Variants in TIAM2 observed in about 807,000 individuals in gnomAD.
The protein encoded by TIAM2 is TIAM Rac1 associated GEF 2, also known as rho guanine nucleotide exchange factor TIAM2.
Under a neutral mutation model 152.9 loss-of-function variants are expected in TIAM2, and 80 were observed. That is an observed-to-expected ratio of 0.52 (90% CI 0.44 to 0.63). The LOEUF (loss-of-function observed/expected upper bound fraction) is 0.63, where lower values mean the gene tolerates loss of function less well. Ranked by LOEUF, TIAM2 falls within the 30% of genes least tolerant of loss-of-function variation. The pLI is 0.00. For missense variants in TIAM2, 1,965 were observed against 2,120.1 expected, an observed-to-expected ratio of 0.93 and a Z score of 1.44; for synonymous variants, 804 against 838.0, an observed-to-expected ratio of 0.96 and a Z score of 0.70.
At chr6:155,006,220 G>A (rs1359247212) in intron 1 of TIAM2, among the ~76,000 whole-genome samples, 1 of 152,154 alleles carries the variant, frequency 6.6e-6, no homozygotes, top group African/African-American at 2.4e-5. Flanking sequence ...CTGACGTTGA[G>A]GTCAGTGGGG....
Position 155,257,272 on chromosome 6 carries a change from A to AGTT in TIAM2, c.*152_*154dup. The AGTT allele has an allele frequency of 1.1e-6, 1 of 883,238 alleles. No homozygotes were observed. Among genetic ancestry groups the AGTT allele is most frequent in the East Asian group, 2.7e-5 (1 of 37,378 alleles). The allele number at this position is 883,238 out of a possible 1,614,324, so 54.7% of individuals were successfully genotyped here. A position where few individuals can be genotyped will look rare whatever the true frequency, so the allele number is the denominator to read the frequency against. Reference sequence around the variant, plus strand: ...CCCACAAAATGGTTGTAAAGATTTAAGTTATTTTAATTTATTGTGGATCAG... The same window carrying AGTT: ...CCCACAAAATGGTTGTAAAGATTTAAGTTGTTATTTTAATTTATTGTGGATCAG... On this transcript the variant is annotated 3_prime_UTR_variant, in exon 27 of 27. Transcript: ENST00000682666.
intron 15 of TIAM2, 124 bp from the exon 16 acceptor site, chr6:155,240,406 C>T: frequency 9.8e-7 from 1 of 1,016,784 alleles, no homozygotes; most frequent in Non-Finnish European, 1.4e-6. Flanking sequence ...AACCCTTTGC[C>T]CTACACAGAG....
chr6:155,196,445 G>A (rs928444282), intron 14 of TIAM2, among the ~76,000 whole-genome samples: 1 of 152,068 alleles, frequency 6.6e-6, no homozygotes, highest in African/African-American at 2.4e-5. Context: ...AGAGAAAGGG[G>A]GGAAATTTTA....
At position 155,128,476 on chromosome 6, in the gene TIAM2, T is replaced by C. The variant is rs1241542074; in HGVS notation, c.-6-742T>C. 1.5e-4 allele frequency among the ~76,000 whole-genome samples: 23 copies of C among 152,146 alleles called. 1 individual carries two copies. The highest frequency in any genetic ancestry group is 1.4e-3 in the Admixed American group (22 of 15,270). ...AGATTTTAGCTCTACCAGTAGTTTA[T>C]GTATAATGAAAATGTATCTCTCTGA... On this transcript the variant is annotated intron_variant, in intron 3 of 26. Transcript: ENST00000682666.
At chr6:155,182,194 G>A in intron 12 of TIAM2, 32 bp from the exon 13 acceptor site, 1 of 1,592,046 alleles carries the variant, frequency 6.3e-7, no homozygotes, top group Non-Finnish European at 8.6e-7. Flanking sequence ...GGTGGGCTGA[G>A]ACTTGCTTTT....
intron 2 of TIAM2, among the ~76,000 whole-genome samples, chr6:155,109,441 A>C (rs1358045374): frequency 6.6e-6 from 1 of 152,226 alleles, no homozygotes; most frequent in African/African-American, 2.4e-5. Flanking sequence ...AAAAAGATAA[A>C]GGTATGGAAT....
rs902066245 is a variant in TIAM2 at position 155,213,616 on chromosome 6, C to T, written c.3168+2309C>T. Reference sequence around the variant, plus strand: ...CCCAGCCCCCAGACTTCAGGCCTTCCCCGGCTTGAAAGTGGGGCTTTTCTG... The same window carrying T: ...CCCAGCCCCCAGACTTCAGGCCTTCTCCGGCTTGAAAGTGGGGCTTTTCTG... On this transcript the variant is annotated intron_variant, in intron 15 of 26. Coordinates refer to ENST00000682666, the MANE Select transcript of TIAM2 (RefSeq NM_012454.4). The surrounding 1 kb of genome is among the most constrained non-coding windows in gnomAD (Gnocchi z 4.2). 2.6e-4 allele frequency among the ~76,000 whole-genome samples: 40 copies of T among 152,202 alleles called. No individual in the cohort carries two copies. The highest frequency in any genetic ancestry group is 8.7e-4 in the African/African-American group (36 of 41,450).
rs750146577 is a variant in TIAM2 at position 155,182,206 on chromosome 6, C to T, written c.2708-20C>T. On this transcript the variant is annotated intron_variant, in intron 12 of 26. Transcript: ENST00000682666. ...TGTGGTGGGCTGAGACTTGCTTTTT[C>T]CTTTTGTTTTCATTCCTAGGGTTTG... is the stretch of plus-strand genomic sequence containing the variant. 3 of 1,609,736 alleles carry T rather than the reference C, an allele frequency of 1.9e-6. No individual in the cohort carries two copies. Among genetic ancestry groups the T allele is most frequent in the Non-Finnish European group, 1.7e-6 (2 of 1,176,566 alleles).
chr6:155,154,267 G>A (rs1780051254), intron 7 of TIAM2, among the ~76,000 whole-genome samples: 1 of 152,188 alleles, frequency 6.6e-6, no homozygotes, highest in South Asian at 2.1e-4. Context: ...CCTAAAAATA[G>A]AATGTGCAAT....
intron 1 of TIAM2, among the ~76,000 whole-genome samples, chr6:155,054,032 G>C (rs1355067003): frequency 6.6e-6 from 1 of 152,128 alleles, no homozygotes; most frequent in Admixed American, 6.6e-5. Flanking sequence ...ATCTAGCCAG[G>C]CATGGTGGCA....
rs565645289 is a variant in TIAM2, at chr6:155,079,586, C to T, written c.-208-10703C>T. Among the ~76,000 whole-genome samples the T allele has an allele frequency of 2.0e-5, 3 of 152,280 alleles. No homozygotes were observed. The East Asian group carries it at 5.8e-4, about 29-fold the overall frequency. On this transcript the variant is annotated intron_variant, in intron 1 of 26. Coordinates refer to ENST00000682666, the MANE Select transcript of TIAM2 (RefSeq NM_012454.4). ...GCTATAGTCAGTACAGCTGGGGGTT[C>T]AGATGTTCATCTTGTGAAACTTGGA... is the stretch of plus-strand genomic sequence containing the variant.
At position 155,213,151 on chromosome 6, in the gene TIAM2, T is replaced by C. The variant is rs1781763142; in HGVS notation, c.3168+1844T>C. ...GCGTGTTTTGGCCCTGTTTGTGTTGTAGCTCTTTCAGCCCTGCCGTTAGGC... is the reference window on the plus strand; with the variant it reads ...GCGTGTTTTGGCCCTGTTTGTGTTGCAGCTCTTTCAGCCCTGCCGTTAGGC... On this transcript the variant is annotated intron_variant, in intron 15 of 26. Transcript: ENST00000682666. This position sits in a 1 kb window ranked among gnomAD's most constrained non-coding sequence, Gnocchi z 4.2. Among the ~76,000 whole-genome samples, 1 of 152,192 alleles carries C rather than the reference T, an allele frequency of 6.6e-6. No homozygotes were observed. The highest frequency in any genetic ancestry group is 2.4e-5 in the African/African-American group (1 of 41,452).
At chr6:155,254,731 A>T in intron 26 of TIAM2, 158 bp downstream of exon 26, 1 of 929,470 alleles carries the variant, frequency 1.1e-6, no homozygotes, top group Non-Finnish European at 1.6e-6. Flanking sequence ...TTGCTCCCAG[A>T]CGTTCTACTG....
intron 2 of TIAM2, among the ~76,000 whole-genome samples, chr6:155,114,033 T>TC (rs1778933924): frequency 1.9e-5 from 1 of 52,040 alleles, no homozygotes; most frequent in South Asian, 7.0e-4. Context: ...TATATATATA[T>TC]ATATTTTTTT....
At position 155,129,762 on chromosome 6, in the gene TIAM2, G is replaced by GT. The variant is rs1562325862; in HGVS notation, c.540dup (p.Gly181TrpfsTer13). The GT allele has an allele frequency of 1.9e-6, 3 of 1,613,868 alleles. No individual in the cohort carries two copies. Among genetic ancestry groups the GT allele is most frequent in the South Asian group, 1.1e-5 (1 of 91,086 alleles). On this transcript the variant is annotated frameshift_variant, in exon 4 of 27. Transcript: ENST00000682666. LOFTEE classifies it high-confidence loss of function. This position sits in a 1 kb window ranked among gnomAD's most constrained non-coding sequence, Gnocchi z 4.8. Reference sequence around the variant, plus strand: ...TGTTTAAGGGTCGAGTTCCACAATGGTGGCAACCCCAGCAAAGTGCCTGCA... The same window carrying GT: ...TGTTTAAGGGTCGAGTTCCACAATGGTTGGCAACCCCAGCAAAGTGCCTGCA...
chr6:155,205,182 TAAAAAAAAAAAAAAAAAAAAAAAA>T (rs61272546), intron 14 of TIAM2, among the ~76,000 whole-genome samples: 24 of 40,548 alleles, frequency 5.9e-4, no homozygotes, highest in African/African-American at 1.7e-3. Flanking sequence ...TATTAATTTC[TAAAAAAAAAAAAAAAAAAAAAAAA>T]AAAAAAAAAA....
intron 15 of TIAM2, among the ~76,000 whole-genome samples, chr6:155,235,875 C>G (rs1316799023): frequency 6.6e-6 from 1 of 152,210 alleles, no homozygotes; most frequent in East Asian, 1.9e-4. Flanking sequence ...TACTTTAACA[C>G]TGCATTGTTA....
At chr6:155,025,909 C>T (rs1249511040) in intron 1 of TIAM2, among the ~76,000 whole-genome samples, 2 of 149,758 alleles carry the variant, frequency 1.3e-5, no homozygotes, top group Non-Finnish European at 3.0e-5. Flanking sequence ...CATTTGGATG[C>T]TTCGGAAAGG....
rs1220092197 is a variant in TIAM2, at chr6:155,142,691, AGCTCTGGCTGTAAACCTCTT to A, written c.1631-1911_1631-1892del. 2.0e-5 allele frequency among the ~76,000 whole-genome samples: 3 copies of A among 152,374 alleles called. No individual in the cohort carries two copies. The East Asian group carries it at 5.8e-4, about 29-fold the overall frequency. On this transcript the variant is annotated intron_variant, in intron 5 of 26. Transcript: ENST00000682666. The stretch of plus-strand genomic sequence containing the variant: ...GATACTGGCCAGGCCTGCAAGAAGC[AGCTCTGGCTGTAAACCTCTT>A]GCTACTTTCCCTTGTTTGTAATACT...
Sources: gnomAD v4.1 joint callset for allele counts (sites outside exome capture counted in the v4.1 genomes callset) on GRCh38, gnomAD v4.1.1 for gene constraint, Gnocchi (gnomAD v3.1) non-coding constraint, MANE v1.5 for transcripts, NCBI Gene and HGNC (gene_info 2026-07-23, HGNC 2026-07-21) for gene names.